The following CNTN5 variants were observed in gnomAD, a reference collection of about 807,000 sequenced individuals.
The protein encoded by CNTN5 is contactin-5.
A neutral mutation model predicts 129.1 loss-of-function variants in CNTN5; 77 were observed. That is an observed-to-expected ratio of 0.60 (90% CI 0.50 to 0.72). The LOEUF is 0.72. Among genes scored for constraint, CNTN5 ranks in the 30% least tolerant of loss-of-function variants. CNTN5 has a pLI of 0.00. For synonymous variants in CNTN5, 509 were observed against 465.6 expected (o/e 1.09, Z -1.20); for missense variants, 1,478 against 1,328.8 (o/e 1.11, Z -1.75).
intron 21 of CNTN5, among the ~76,000 whole-genome samples, chr11:100,338,787 TG>T (rs1329784512): frequency 3.9e-5 from 6 of 152,154 alleles, no homozygotes; most frequent in Non-Finnish European, 7.3e-5. Context: ...AGTGCCCAGG[TG>T]GTGCTAGGTG....
intron 18 of CNTN5, among the ~76,000 whole-genome samples, chr11:100,287,204 C>T (rs553348577): frequency 1.3e-5 from 2 of 152,180 alleles, no homozygotes; most frequent in African/African-American, 4.8e-5. Flanking sequence ...TCCAGGAGAA[C>T]TTCCCCAATC....
intron 3 of CNTN5, among the ~76,000 whole-genome samples, chr11:99,678,854 G>A (rs1476928886): frequency 1.3e-5 from 2 of 151,440 alleles, no homozygotes; most frequent in East Asian, 3.9e-4. Context: ...GTAATTAAAG[G>A]CATATAAACA....
intron 3 of CNTN5, among the ~76,000 whole-genome samples, chr11:99,741,997 A>C (rs1367434361): frequency 6.6e-6 from 1 of 152,182 alleles, no homozygotes; most frequent in East Asian, 1.9e-4. Flanking sequence ...ACAAGTGAGG[A>C]AAATCAGATT....
rs193016965 is a variant in CNTN5 at position 100,033,658 on chromosome 11, T to C, written c.981-27554T>C. On this transcript the variant is annotated intron_variant, in intron 9 of 24. Coordinates refer to ENST00000524871, the MANE Select transcript of CNTN5 (RefSeq NM_014361.4). ...TAAATCCTCACTAAATATTTCATTGTCTATATGCCTCTACTCAAGGTGCTT... is the reference window on the plus strand; with the variant it reads ...TAAATCCTCACTAAATATTTCATTGCCTATATGCCTCTACTCAAGGTGCTT... Among the ~76,000 whole-genome samples the C allele has an allele frequency of 2.0e-5, 3 of 152,326 alleles. No individual in the cohort carries two copies. In the East Asian group the frequency reaches 5.8e-4, roughly 29 times the overall value.
intron 1 of CNTN5, among the ~76,000 whole-genome samples, chr11:99,106,101 T>C (rs541244398): frequency 2.8e-4 from 42 of 152,226 alleles, no homozygotes; most frequent in African/African-American, 7.7e-4. Flanking sequence ...GGAAAACATT[T>C]GTCATCTGAG....
chr11:99,448,265 T>C (rs905775679), intron 2 of CNTN5, among the ~76,000 whole-genome samples: 2 of 152,090 alleles, frequency 1.3e-5, no homozygotes, highest in African/African-American at 4.8e-5. Flanking sequence ...CACAAAATAA[T>C]AAATAAAATT....
At chr11:99,739,012 T>C (rs576981218) in intron 3 of CNTN5, among the ~76,000 whole-genome samples, 3 of 152,256 alleles carry the variant, frequency 2.0e-5, no homozygotes, top group Non-Finnish European at 4.4e-5. Flanking sequence ...ATATAGACGA[T>C]AGATTAAGAG....
At chr11:100,005,623 G>A (rs1940143386) in intron 9 of CNTN5, among the ~76,000 whole-genome samples, 2 of 152,086 alleles carry the variant, frequency 1.3e-5, no homozygotes, top group Non-Finnish European at 2.9e-5. Flanking sequence ...TCATGTCCAA[G>A]TTGTACTTAC....
At chr11:99,474,623 G>T (rs1368140241) in intron 2 of CNTN5, among the ~76,000 whole-genome samples, 3 of 151,890 alleles carry the variant, frequency 2.0e-5, no homozygotes, top group African/African-American at 7.3e-5. Flanking sequence ...TTACCCAAAA[G>T]GTGTCTCTAT....
intron 3 of CNTN5, among the ~76,000 whole-genome samples, chr11:99,700,894 A>T (rs1954489657): frequency 6.6e-6 from 1 of 151,280 alleles, no homozygotes; most frequent in Admixed American, 6.6e-5. Context: ...ACCTCCCCCA[A>T]AATGAGTATC....
intron 9 of CNTN5, among the ~76,000 whole-genome samples, chr11:100,048,258 C>T (rs1005881129): frequency 1.3e-5 from 2 of 151,916 alleles, no homozygotes; most frequent in Admixed American, 1.3e-4. Flanking sequence ...ACATCAGTGG[C>T]CCCCAATTTC....
chr11:100,201,870 A>G (rs918917302), intron 15 of CNTN5, among the ~76,000 whole-genome samples: 11 of 151,918 alleles, frequency 7.2e-5, no homozygotes, highest in Non-Finnish European at 1.5e-5. Flanking sequence ...TCAGTCAAAG[A>G]GAGTTATCTG....
In CNTN5 at chr11:100,032,307, A is replaced by G. The variant is rs563900075; in HGVS notation, c.981-28905A>G. On this transcript the variant is annotated intron_variant, in intron 9 of 24. Transcript: ENST00000524871. ...GTTATATTAATGTGGATTTTGTTCT[A>G]TTACATTAAAGAATTATAGTTTATT... is the stretch of plus-strand genomic sequence containing the variant. Among the ~76,000 whole-genome samples, 34 of 152,190 alleles carry G rather than the reference A, an allele frequency of 2.2e-4. No homozygotes were observed. The South Asian group carries it at 4.1e-3, about 19-fold the overall frequency.
At chr11:100,171,102 T>G (rs560293258) in intron 13 of CNTN5, among the ~76,000 whole-genome samples, 1 of 151,998 alleles carries the variant, frequency 6.6e-6, no homozygotes, top group East Asian at 1.9e-4. Context: ...TTGACTCTGT[T>G]CAAAAAAATA....
intron 3 of CNTN5, among the ~76,000 whole-genome samples, chr11:99,613,153 G>C (rs1183127500): frequency 6.6e-6 from 1 of 152,166 alleles, no homozygotes; most frequent in Non-Finnish European, 1.5e-5. Flanking sequence ...TAGGCTTTGT[G>C]TCCCCACCTG....
intron 3 of CNTN5, among the ~76,000 whole-genome samples, chr11:99,786,227 C>A (rs527787643): frequency 8.3e-4 from 126 of 152,086 alleles, no homozygotes; most frequent in Middle Eastern, 6.8e-3. Context: ...AAACAGGGAG[C>A]CTAATCATTA....
chr11:100,048,065 AGC>A (rs1260444419), intron 9 of CNTN5, among the ~76,000 whole-genome samples: 7 of 152,104 alleles, frequency 4.6e-5, no homozygotes, highest in Non-Finnish European at 1.0e-4. Flanking sequence ...CCGAGGGCGG[AGC>A]TTGCAGTGAG....
At chr11:100,242,079 G>C (rs1421455263) in intron 16 of CNTN5, among the ~76,000 whole-genome samples, 1 of 152,044 alleles carries the variant, frequency 6.6e-6, no homozygotes, top group Non-Finnish European at 1.5e-5. Flanking sequence ...CAAGTTCCTT[G>C]CTATTGCCTT....
intron 3 of CNTN5, among the ~76,000 whole-genome samples, chr11:99,599,151 C>T (rs902662248): frequency 6.6e-6 from 1 of 150,904 alleles, no homozygotes; most frequent in African/African-American, 2.4e-5. Flanking sequence ...CTAAAAACTA[C>T]CTGTAAATCT....
Sources: gnomAD v4.1 joint callset for allele counts (sites outside exome capture counted in the v4.1 genomes callset) on GRCh38, gnomAD v4.1.1 for gene constraint, MANE v1.5 for transcripts, NCBI Gene and HGNC (gene_info 2026-07-23, HGNC 2026-07-21) for gene names.